ARSB: variants seen among roughly 807,000 people sequenced by gnomAD.
The protein encoded by ARSB is N-acetylgalactosamine-4-sulfatase.
A neutral mutation model predicts 50.9 loss-of-function variants in ARSB; 41 were observed. That is an observed-to-expected ratio of 0.81 (90% CI 0.63 to 1.04). The LOEUF (loss-of-function observed/expected upper bound fraction) is 1.04. ARSB is among the 50% of genes least tolerant of loss of function. The probability of loss-of-function intolerance (pLI) is 0.00; values close to 1 mark genes in which losing one functional copy is unlikely to be tolerated. For missense variants in ARSB, 672 were observed against 693.3 expected, an observed-to-expected ratio of 0.97 and a Z score of 0.35; for synonymous variants, 269 against 284.8, an observed-to-expected ratio of 0.94 and a Z score of 0.56.
At chr5:78,808,091 T>A (rs28520051) in intron 6 of ARSB, among the ~76,000 whole-genome samples, 856 of 22,578 alleles carry the variant, frequency 0.038, 19 homozygotes, top group African/African-American at 0.13. Flanking sequence ...AGACTCCGTC[T>A]CAAAAAAAAA....
intron 1 of ARSB, among the ~76,000 whole-genome samples, chr5:78,981,423 A>G (rs1023727430): frequency 6.6e-6 from 1 of 152,232 alleles, no homozygotes; most frequent in East Asian, 1.9e-4. Context: ...TAAAAGGCTG[A>G]ATTAAGTAAG....
intron 5 of ARSB, among the ~76,000 whole-genome samples, chr5:78,856,201 T>G (rs1405201596): frequency 1.3e-5 from 2 of 152,188 alleles, no homozygotes; most frequent in Non-Finnish European, 2.9e-5. Context: ...AAAAATGCAA[T>G]CTGATTTTAA....
rs1025808222 is a variant in ARSB at position 78,905,738 on chromosome 5, T to G, written c.899-19911A>C. On this transcript the variant is annotated intron_variant, in intron 4 of 7. Transcript: ENST00000264914. Reference sequence around the variant, plus strand: ...GCTCATACACAGAATCAGGGGATCCTCTTCTCCAGTTCTTCTCTCCCTTTA... The same window carrying G: ...GCTCATACACAGAATCAGGGGATCCGCTTCTCCAGTTCTTCTCTCCCTTTA... Among the ~76,000 whole-genome samples, 9 of 151,870 alleles carry G rather than the reference T, an allele frequency of 5.9e-5. 1 individual carries two copies. Among genetic ancestry groups the G allele is most frequent in the African/African-American group, 2.2e-4 (9 of 41,326 alleles).
At chr5:78,940,027 G>A (rs1750829018) in intron 4 of ARSB, among the ~76,000 whole-genome samples, 1 of 152,182 alleles carries the variant, frequency 6.6e-6, no homozygotes, top group African/African-American at 2.4e-5. Context: ...TTTCTCTGAT[G>A]GCCAGTAATG....
chr5:78,958,551 T>G (rs1286858579), intron 3 of ARSB, among the ~76,000 whole-genome samples: 2 of 152,216 alleles, frequency 1.3e-5, no homozygotes, highest in Admixed American at 6.5e-5. Context: ...CCTATAATTA[T>G]TCCTTAGTAG....
In ARSB at chr5:78,826,073, G is replaced by GTCTC. The variant is rs554612751; in HGVS notation, c.1213+13279_1213+13282dup. On this transcript the variant is annotated intron_variant, in intron 6 of 7. Transcript: ENST00000264914. Reference sequence around the variant, plus strand: ...TCTTTCTTTTTTTTTTTTTGATGGAGTCTCGCTCTGTTGCCCAGGCTGGAG... The same window carrying GTCTC: ...TCTTTCTTTTTTTTTTTTTGATGGAGTCTCTCTCGCTCTGTTGCCCAGGCTGGAG... 3.2e-4 allele frequency among the ~76,000 whole-genome samples: 47 copies of GTCTC among 148,476 alleles called. No homozygotes were observed. The East Asian group carries it at 9.3e-3, about 29-fold the overall frequency.
intron 5 of ARSB, among the ~76,000 whole-genome samples, chr5:78,878,642 T>TCATGG (rs1303517859): frequency 6.6e-6 from 1 of 152,102 alleles, no homozygotes; most frequent in Non-Finnish European, 1.5e-5. Flanking sequence ...TTATTTGGCT[T>TCATGG]CATGGCATCT....
At chr5:78,794,117 T>G (rs1243884188) in intron 6 of ARSB, among the ~76,000 whole-genome samples, 1 of 152,182 alleles carries the variant, frequency 6.6e-6, no homozygotes, top group Non-Finnish European at 1.5e-5. Context: ...CTAACCACAC[T>G]GCTGGAATCA....
At chr5:78,968,230 C>CAA (rs11413324) in intron 2 of ARSB, among the ~76,000 whole-genome samples, 1 of 147,734 alleles carries the variant, frequency 6.8e-6, no homozygotes, top group African/African-American at 2.5e-5. Flanking sequence ...CCACCCCCTT[C>CAA]AAAAAAAAAG....
Position 78,815,471 on chromosome 5 carries a change from C to A in ARSB, c.1213+23885G>T, listed in dbSNP as rs903228387. ...CTCTGTGCCAGAAAGTGTGACTTGG[C>A]AAATGGAGGACAGGCTGTGCCCCTG... On this transcript the variant is annotated intron_variant, in intron 6 of 7. Transcript: ENST00000264914. 16 of 919,834 alleles carry A rather than the reference C, an allele frequency of 1.7e-5. 1 individual carries two copies. The highest frequency in any genetic ancestry group is 5.5e-4 in the Middle Eastern group (1 of 1,832). 57.0% of individuals were successfully genotyped at this position (919,834 alleles called of 1,614,324 possible). A position where few individuals can be genotyped will look rare whatever the true frequency, so the allele number is the denominator to read the frequency against.
chr5:78,913,525 T>TA (rs1454118265), intron 4 of ARSB, among the ~76,000 whole-genome samples: 2 of 152,242 alleles, frequency 1.3e-5, no homozygotes, highest in African/African-American at 4.8e-5. Context: ...TGATGGAACT[T>TA]ACTTATTTCT....
chr5:78,916,894 T>A (rs6894968), intron 4 of ARSB, among the ~76,000 whole-genome samples: 27 of 152,186 alleles, frequency 1.8e-4, no homozygotes, highest in Admixed American at 1.4e-3. Context: ...GGGAATGATA[T>A]AGTGGTGAAC....
chr5:78,823,200 T>C (rs1366953600), intron 6 of ARSB, among the ~76,000 whole-genome samples: 1 of 152,212 alleles, frequency 6.6e-6, no homozygotes, highest in Non-Finnish European at 1.5e-5. Context: ...ACAGGTTCAC[T>C]GAGTCCAGGA....
At chr5:78,823,919 C>A (rs559257899) in intron 6 of ARSB, among the ~76,000 whole-genome samples, 1 of 152,286 alleles carries the variant, frequency 6.6e-6, no homozygotes, top group East Asian at 1.9e-4. Flanking sequence ...TCTGTTTCCT[C>A]CAAATCTCAT....
At chr5:78,818,598 C>CTTTTTTTTTTTTT (rs775162579) in intron 6 of ARSB, among the ~76,000 whole-genome samples, 2 of 74,190 alleles carry the variant, frequency 2.7e-5, no homozygotes, top group African/African-American at 5.5e-5. Flanking sequence ...AAATAAAGCT[C>CTTTTTTTTTTTTT]TTTTTTTTTT....
At chr5:78,817,200 C>A in intron 6 of ARSB, 1 of 759,864 alleles carries the variant, frequency 1.3e-6, no homozygotes, top group Non-Finnish European at 1.6e-6. Context: ...CCACTGTTGT[C>A]CTTGTTCACT....
At chr5:78,825,965 A>G (rs776197542) in intron 6 of ARSB, among the ~76,000 whole-genome samples, 4 of 152,166 alleles carry the variant, frequency 2.6e-5, no homozygotes, top group Non-Finnish European at 4.4e-5. Flanking sequence ...AGCTATTACA[A>G]TCAAGTACCT....
intron 6 of ARSB, among the ~76,000 whole-genome samples, chr5:78,782,501 T>C (rs1748955746): frequency 6.6e-6 from 1 of 152,232 alleles, no homozygotes; most frequent in African/African-American, 2.4e-5. Flanking sequence ...AGTTAACTAT[T>C]CAGACAGGAT....
At chr5:78,786,411 T>C (rs1185008776) in intron 6 of ARSB, among the ~76,000 whole-genome samples, 1 of 152,222 alleles carries the variant, frequency 6.6e-6, no homozygotes, top group Non-Finnish European at 1.5e-5. Flanking sequence ...ATTCATCAAT[T>C]AATGGACACT....
Sources: allele counts gnomAD v4.1 joint callset (sites outside exome capture counted in the v4.1 genomes callset), GRCh38; gene constraint gnomAD v4.1.1; transcripts MANE v1.5; gene names NCBI Gene and HGNC (gene_info 2026-07-23, HGNC 2026-07-21).